Variants in C7orf57 observed in about 807,000 individuals in gnomAD.
C7orf57 encodes chromosome 7 open reading frame 57.
C7orf57 carries 33 observed loss-of-function variants against 39.0 expected under a neutral mutation model. The ratio of observed to expected loss-of-function variants is 0.85; its 90% confidence interval spans 0.64 to 1.13. The LOEUF (loss-of-function observed/expected upper bound fraction) is 1.13, where lower values mean the gene tolerates loss of function less well. Ranked by LOEUF, C7orf57 falls within the 50% of genes most tolerant of loss-of-function variation. The probability of loss-of-function intolerance (pLI) is 0.00; values close to 1 mark genes in which losing one functional copy is unlikely to be tolerated. For synonymous variants in C7orf57, 124 were observed against 137.1 expected, an observed-to-expected ratio of 0.90 and a Z score of 0.67; for missense variants, 346 against 362.3, an observed-to-expected ratio of 0.95 and a Z score of 0.37.
intron 4 of C7orf57, among the ~76,000 whole-genome samples, chr7:48,045,099 T>C (rs990856278): frequency 2.0e-5 from 3 of 152,202 alleles, no homozygotes; most frequent in African/African-American, 7.2e-5. Flanking sequence ...TAGGATGATC[T>C]ACTTCTGGGG....
chr7:48,039,038 A>G (rs1031541351), intron 2 of C7orf57, among the ~76,000 whole-genome samples: 16 of 152,198 alleles, frequency 1.1e-4, no homozygotes, highest in African/African-American at 3.9e-4. Context: ...CAGGTAGCCA[A>G]CTTCAGAGAG....
chr7:48,058,883 C>T (rs1791204618), intron 8 of C7orf57, among the ~76,000 whole-genome samples: 1 of 152,174 alleles, frequency 6.6e-6, no homozygotes. Flanking sequence ...AATGTATAAA[C>T]TTTATATTGC....
chr7:48,044,497 G>T (rs4724670), intron 4 of C7orf57, among the ~76,000 whole-genome samples: 130,994 of 152,126 alleles, frequency 0.86, 56,898 homozygotes, highest in Non-Finnish European at 0.93. Context: ...TTTAGTGAAC[G>T]CTCTTTACTA....
intron 8 of C7orf57, 134 bp downstream of exon 8, chr7:48,054,740 T>A: frequency 1.5e-6 from 1 of 688,266 alleles, no homozygotes; most frequent in East Asian, 2.8e-5. Flanking sequence ...GCATGCATTC[T>A]GACTACAAAG....
Position 48,051,844 on chromosome 7 carries a change from TTTC to T in C7orf57, c.606-853_606-851del, listed in dbSNP as rs1562630194. The stretch of plus-strand genomic sequence containing the variant: ...CTTTCTTTCTTTCTTTCTTTCTTTC[TTTC>T]TTTCTTTCTTTCTTTCTTTCTTTCT... On this transcript the variant is annotated intron_variant, in intron 6 of 8. Coordinates refer to ENST00000348904, the MANE Select transcript of C7orf57 (RefSeq NM_001100159.3). Among the ~76,000 whole-genome samples the T allele has an allele frequency of 2.7e-3, 219 of 80,714 alleles. 5 individuals are homozygous for T. Among genetic ancestry groups the T allele is most frequent in the South Asian group, 6.4e-3 (15 of 2,360 alleles). The allele number at this position is 80,714 out of a possible 152,430, so 53.0% of individuals were successfully genotyped here. A position where few individuals can be genotyped will look rare whatever the true frequency, so the allele number is the denominator to read the frequency against.
intron 6 of C7orf57, among the ~76,000 whole-genome samples, chr7:48,051,347 A>ATTTTTTGTTTTTTTTTTTTT (rs1790871022): frequency 1.4e-5 from 1 of 69,770 alleles, no homozygotes; most frequent in African/African-American, 6.0e-5. Flanking sequence ...CAGCTGGCTA[A>ATTTTTTGTTTTTTTTTTTTT]TTTTTTTTTT....
At chr7:48,052,951 A>C in intron 7 of C7orf57, 28 bp downstream of exon 7, 1 of 1,556,452 alleles carries the variant, frequency 6.4e-7, no homozygotes. Context: ...ATCTGCATTT[A>C]TTGGAGGCTT....
chr7:48,059,255 T>C (rs372272320), intron 8 of C7orf57, among the ~76,000 whole-genome samples: 1 of 152,256 alleles, frequency 6.6e-6, no homozygotes, highest in South Asian at 2.1e-4. Flanking sequence ...TTATAAGCAA[T>C]AGGCAATTTA....
At chr7:48,055,376 T>C (rs192142502) in intron 8 of C7orf57, among the ~76,000 whole-genome samples, 40 of 152,368 alleles carry the variant, frequency 2.6e-4, no homozygotes, top group African/African-American at 9.6e-4. Context: ...TGCAATGCGA[T>C]GTTTTGATAT....
chr7:48,060,164 A>G, intron 8 of C7orf57, 62 bp from the exon 9 acceptor site: 1 of 1,079,640 alleles, frequency 9.3e-7, no homozygotes, highest in Non-Finnish European at 1.3e-6. Context: ...TTTAAAATTA[A>G]TGTTTTTTAA....
chr7:48,039,385 G>A (rs1790478736), intron 2 of C7orf57, among the ~76,000 whole-genome samples: 1 of 152,066 alleles, frequency 6.6e-6, no homozygotes, highest in Non-Finnish European at 1.5e-5. Context: ...GAATTCCAAA[G>A]GAAGGAGGGT....
intron 2 of C7orf57, among the ~76,000 whole-genome samples, chr7:48,039,061 C>T (rs991071051): frequency 2.6e-5 from 4 of 152,106 alleles, no homozygotes; most frequent in African/African-American, 9.7e-5. Flanking sequence ...TAGATGTGAA[C>T]ATCTCTTATC....
Position 48,036,018 on chromosome 7 carries a change from C to T in C7orf57, c.-101-190C>T, listed in dbSNP as rs368912341. On this transcript the variant is annotated intron_variant, in intron 1 of 8. Coordinates refer to ENST00000348904, the MANE Select transcript of C7orf57 (RefSeq NM_001100159.3). Reference sequence around the variant, plus strand: ...TGTGTGGACGTGCCCTGCTGTCTACCCGGCGTGCGTGTGTTCCTGCTGTAT... The same window carrying T: ...TGTGTGGACGTGCCCTGCTGTCTACTCGGCGTGCGTGTGTTCCTGCTGTAT... Among the ~76,000 whole-genome samples, 12 of 152,118 alleles carry T rather than the reference C, an allele frequency of 7.9e-5. No homozygotes were observed. The East Asian group carries it at 1.4e-3, about 17-fold the overall frequency.
intron 6 of C7orf57, among the ~76,000 whole-genome samples, chr7:48,051,828 T>G (rs1322750807): frequency 2.0e-5 from 1 of 49,048 alleles, no homozygotes; most frequent in Admixed American, 2.2e-4. Flanking sequence ...TCTTTCTTTC[T>G]TTCTTTCTTT....
Position 48,060,213 on chromosome 7 carries a change from C to T in C7orf57, c.842-13C>T, listed in dbSNP as rs1345849757. On this transcript the variant is annotated splice_polypyrimidine_tract_variant and intron_variant, in intron 8 of 8. Coordinates refer to ENST00000348904, the MANE Select transcript of C7orf57 (RefSeq NM_001100159.3). ...TCATCTTTGTCTACTCATTTATTTA[C>T]TTTGTGTTGCAGGCCCAGAAGAATC... is the stretch of plus-strand genomic sequence containing the variant. 2.6e-6 allele frequency: 4 copies of T among 1,512,646 alleles called. No homozygotes were observed. In the East Asian group the frequency reaches 9.8e-5, roughly 37 times the overall value. 93.7% of individuals were successfully genotyped at this position (1,512,646 alleles called of 1,614,324 possible). A position where few individuals can be genotyped will look rare whatever the true frequency, so the allele number is the denominator to read the frequency against.
At chr7:48,048,499 T>C (rs1790780834) in intron 5 of C7orf57, among the ~76,000 whole-genome samples, 1 of 152,234 alleles carries the variant, frequency 6.6e-6, no homozygotes, top group Non-Finnish European at 1.5e-5. Flanking sequence ...CATCTTTTCT[T>C]CCTATAATTG....
intron 2 of C7orf57, among the ~76,000 whole-genome samples, chr7:48,038,380 A>G (rs1476651782): frequency 9.8e-6 from 1 of 102,104 alleles, no homozygotes; most frequent in East Asian, 2.4e-4. Flanking sequence ...CTTTCTATAT[A>G]CATATAGATA....
chr7:48,051,145 A>T (rs1480647710), intron 6 of C7orf57, among the ~76,000 whole-genome samples: 1 of 152,082 alleles, frequency 6.6e-6, no homozygotes, highest in East Asian at 1.9e-4. Context: ...GCAGCAGATA[A>T]TCATTGATAA....
chr7:48,054,686 G>A (rs1402424374), intron 8 of C7orf57, 80 bp downstream of exon 8: 1 of 1,253,658 alleles, frequency 8.0e-7, no homozygotes, highest in East Asian at 2.5e-5. Flanking sequence ...CCTGCATTCT[G>A]AGACTACAGC....
Sources: allele counts gnomAD v4.1 joint callset (sites outside exome capture counted in the v4.1 genomes callset), GRCh38; gene constraint gnomAD v4.1.1; transcripts MANE v1.5; gene names NCBI Gene and HGNC (gene_info 2026-07-23, HGNC 2026-07-21).